Variants in ASIC2 observed in about 807,000 individuals in gnomAD.
The protein encoded by ASIC2 is acid-sensing ion channel 2.
Under a neutral mutation model 57.3 loss-of-function variants are expected in ASIC2, and 25 were observed. The observed-to-expected ratio is 0.44, with a 90% CI of 0.32 to 0.61. The LOEUF is 0.61. Ranked by LOEUF, ASIC2 falls within the 20% of genes least tolerant of loss-of-function variation. ASIC2 has a pLI of 0.06. For synonymous variants in ASIC2, 319 were observed against 307.5 expected (o/e 1.04, Z -0.39); for missense variants, 641 against 738.1 (o/e 0.87, Z 1.52).
At chr17:33,523,782 CATCT>C (rs1424602890) in intron 1 of ASIC2, among the ~76,000 whole-genome samples, 1 of 152,164 alleles carries the variant, frequency 6.6e-6, no homozygotes, top group Non-Finnish European at 1.5e-5. Context: ...ACCAACTAGT[CATCT>C]ACTCACGGCT....
intron 1 of ASIC2, among the ~76,000 whole-genome samples, chr17:33,529,180 A>G (rs1453089600): frequency 6.6e-6 from 1 of 152,242 alleles, no homozygotes; most frequent in East Asian, 1.9e-4. Context: ...AGCTTTAAAA[A>G]GGACAGTTAA....
chr17:33,794,449 T>C (rs544996951), intron 1 of ASIC2: 4 of 152,368 alleles, frequency 2.6e-5, no homozygotes, highest in African/African-American at 7.2e-5. Context: ...CTGGGAACCA[T>C]TGGTGAATGG....
intron 1 of ASIC2, among the ~76,000 whole-genome samples, chr17:33,195,474 A>G (rs1906585651): frequency 6.6e-6 from 1 of 152,244 alleles, no homozygotes; most frequent in Non-Finnish European, 1.5e-5. Context: ...TATTATTGTG[A>G]ATGAGGATCA....
intron 1 of ASIC2, among the ~76,000 whole-genome samples, chr17:33,807,438 C>T (rs1912299835): frequency 6.6e-6 from 1 of 152,170 alleles, no homozygotes. Flanking sequence ...ACCACAATTG[C>T]CACTCTCTTG....
At chr17:33,464,699 A>C (rs1212439232) in intron 1 of ASIC2, among the ~76,000 whole-genome samples, 31 of 140,984 alleles carry the variant, frequency 2.2e-4, no homozygotes, top group African/African-American at 8.2e-4. Flanking sequence ...ATATATATAT[A>C]TATATGTATA....
chr17:33,341,785 A>G (rs1001562464), intron 1 of ASIC2, among the ~76,000 whole-genome samples: 1 of 152,172 alleles, frequency 6.6e-6, no homozygotes, highest in Non-Finnish European at 1.5e-5. Context: ...CACAGTTGAG[A>G]AACCTCTAAA....
intron 1 of ASIC2, among the ~76,000 whole-genome samples, chr17:33,724,443 G>C (rs1205421637): frequency 6.6e-6 from 1 of 152,204 alleles, no homozygotes; most frequent in Non-Finnish European, 1.5e-5. Context: ...GTGAAGAGTA[G>C]ACATTGGTGA....
intron 3 of ASIC2, among the ~76,000 whole-genome samples, chr17:33,058,093 C>T (rs1470313379): frequency 6.6e-6 from 1 of 152,112 alleles, no homozygotes; most frequent in Non-Finnish European, 1.5e-5. Context: ...CCATGAAAGT[C>T]CCTGTACCAT....
intron 1 of ASIC2, among the ~76,000 whole-genome samples, chr17:34,085,888 C>T (rs1352972285): frequency 6.6e-6 from 1 of 151,234 alleles, no homozygotes; most frequent in Non-Finnish European, 1.5e-5. Context: ...GGTGACATCC[C>T]CTTTATCATT....
intron 1 of ASIC2, among the ~76,000 whole-genome samples, chr17:34,112,381 T>C (rs775059751): frequency 6.8e-6 from 1 of 146,820 alleles, no homozygotes; most frequent in African/African-American, 2.5e-5. Context: ...GCTAACAAAC[T>C]AAATACAAAT....
At chr17:33,687,287 G>T (rs186507052) in intron 1 of ASIC2, among the ~76,000 whole-genome samples, 18 of 152,296 alleles carry the variant, frequency 1.2e-4, no homozygotes, top group Admixed American at 5.2e-4. Flanking sequence ...CAGAGCCCTA[G>T]GGAGTTGGAA....
chr17:33,561,404 T>C (rs572906184), intron 1 of ASIC2, among the ~76,000 whole-genome samples: 1 of 152,206 alleles, frequency 6.6e-6, no homozygotes, highest in Non-Finnish European at 1.5e-5. Flanking sequence ...GCTTAGTTTC[T>C]TGCTATGCAA....
intron 1 of ASIC2, among the ~76,000 whole-genome samples, chr17:33,374,038 C>T (rs762511159): frequency 6.6e-6 from 1 of 152,072 alleles, no homozygotes; most frequent in Non-Finnish European, 1.5e-5. Context: ...TCTTGCGGCC[C>T]AGGCTGCAGC....
At chr17:33,709,216 C>T (rs1210653382) in intron 1 of ASIC2, among the ~76,000 whole-genome samples, 1 of 152,190 alleles carries the variant, frequency 6.6e-6, no homozygotes, top group Non-Finnish European at 1.5e-5. Flanking sequence ...AGTTTTTCCT[C>T]ATAGTCTTCT....
intron 1 of ASIC2, among the ~76,000 whole-genome samples, chr17:33,483,482 C>T (rs564188722): frequency 6.6e-6 from 1 of 152,316 alleles, no homozygotes; most frequent in South Asian, 2.1e-4. Flanking sequence ...CCTCACTCGG[C>T]GGGGCTCTGC....
intron 1 of ASIC2, among the ~76,000 whole-genome samples, chr17:33,877,015 C>G (rs991696097): frequency 5.9e-5 from 9 of 152,328 alleles, no homozygotes; most frequent in Non-Finnish European, 1.2e-4. Context: ...ACCAAAGTGT[C>G]TAAACAATTA....
chr17:33,484,898 A>G (rs1438762001), intron 1 of ASIC2, among the ~76,000 whole-genome samples: 1 of 152,268 alleles, frequency 6.6e-6, no homozygotes, highest in Non-Finnish European at 1.5e-5. Flanking sequence ...AATTAAAAGT[A>G]GATATAAATA....
chr17:33,525,470 C>G lies in ASIC2; in HGVS notation c.556-413403G>C, dbSNP rs527856574. Among the ~76,000 whole-genome samples, 17 of 152,308 alleles carry G rather than the reference C, an allele frequency of 1.1e-4. No individual in the cohort carries two copies. The East Asian group carries it at 3.1e-3, about 28-fold the overall frequency. The stretch of plus-strand genomic sequence containing the variant: ...AGGACCCTATCTTCTGCAGGAAACC[C>G]TCACCGTCAAGGTCAGAGCAATAAA... On this transcript the variant is annotated intron_variant, in intron 1 of 9. Coordinates refer to the ASIC2 transcript ENST00000359872.
At chr17:33,554,436 G>A (rs1329800932) in intron 1 of ASIC2, among the ~76,000 whole-genome samples, 1 of 152,014 alleles carries the variant, frequency 6.6e-6, no homozygotes, top group African/African-American at 2.4e-5. Context: ...AGTGACCATA[G>A]AAGGGCTATT....
Sources: allele counts gnomAD v4.1 joint callset (sites outside exome capture counted in the v4.1 genomes callset), GRCh38; gene constraint gnomAD v4.1.1; transcripts MANE v1.5; gene names NCBI Gene and HGNC (gene_info 2026-07-23, HGNC 2026-07-21).